Variants in DCHS2 observed in about 807,000 individuals in gnomAD.
The protein encoded by DCHS2 is dachsous cadherin-related 2.
In DCHS2, 142 loss-of-function variants were observed where a neutral mutation model predicts 182.4. The observed-to-expected ratio is 0.78, with a 90% CI of 0.68 to 0.89. The LOEUF is 0.89. DCHS2 is among the 40% of genes least tolerant of loss of function. DCHS2 has a pLI of 0.00. For missense variants in DCHS2, 4,319 were observed against 4,198.6 expected, an observed-to-expected ratio of 1.03 and a Z score of -0.79; for synonymous variants, 1,740 against 1,663.3, an observed-to-expected ratio of 1.05 and a Z score of -1.12.
chr4:154,450,973 A>G (rs1321708359), intron 1 of DCHS2, among the ~76,000 whole-genome samples: 3 of 152,212 alleles, frequency 2.0e-5, no homozygotes, highest in Non-Finnish European at 4.4e-5. Flanking sequence ...GGAAAGAGGT[A>G]TATGCCTGGT....
chr4:154,429,287 AT>A (rs1264226981), intron 1 of DCHS2, among the ~76,000 whole-genome samples: 1 of 152,052 alleles, frequency 6.6e-6, no homozygotes, highest in Non-Finnish European at 1.5e-5. Context: ...ACTGTTCATC[AT>A]TTTTTTGGCT....
rs141467714 is a variant in DCHS2 at position 154,298,388 on chromosome 4, C to A, written c.5926G>T (p.Ala1976Ser). 5,629 of 1,614,164 alleles carry A rather than the reference C, an allele frequency of 3.5e-3. 12 individuals carry two copies. Among genetic ancestry groups the A allele is most frequent in the Non-Finnish European group, 4.6e-3 (5,429 of 1,180,010 alleles). ...GGATCAATGGTGAATGCACCAGAAG[C>A]CTCATCAGTCAGAAAATACTCAGTT... ...GQTEYFLTDEASGAFTIDPMS... is the reference protein window; with the variant it reads ...GQTEYFLTDESSGAFTIDPMS... Residue 1976 changes from alanine (A) to serine (S), a missense_variant, in exon 13 of 20, where the codon GCT becomes TCT. Ala to Ser is a moderately conservative substitution (Grantham distance 99, BLOSUM62 1). Coordinates refer to ENST00000357232, the MANE Select transcript of DCHS2 (RefSeq NM_001358235.2).
intron 17 of DCHS2, 140 bp from the exon 18 acceptor site, chr4:154,240,963 C>T (rs1731797510): frequency 1.5e-6 from 2 of 1,326,084 alleles, no homozygotes; most frequent in Admixed American, 2.7e-5. Context: ...ATACAAAGCT[C>T]ATTATGCACT....
chr4:154,390,900 T>C (rs1445562944), intron 1 of DCHS2, among the ~76,000 whole-genome samples: 5 of 152,250 alleles, frequency 3.3e-5, no homozygotes, highest in Admixed American at 1.3e-4. Context: ...ACAAAAAGTA[T>C]ATGATTAGAA....
chr4:154,440,014 T>C (rs1733934062), intron 1 of DCHS2, among the ~76,000 whole-genome samples: 1 of 152,218 alleles, frequency 6.6e-6, no homozygotes, highest in African/African-American at 2.4e-5. Flanking sequence ...AACTCCTTGG[T>C]CCAAAGTCAT....
At position 154,332,956 on chromosome 4, in the gene DCHS2, G is replaced by A; in HGVS notation, c.3252C>T (p.Phe1084=). Residue 1084 remains phenylalanine (F), a synonymous_variant, in exon 5 of 20, where the codon TTC becomes TTT. Coordinates refer to ENST00000357232, the MANE Select transcript of DCHS2 (RefSeq NM_001358235.2). ...CTTCCACTTGATAGACCAAATGTTC[G>A]AAAGTCCAGGATGGGCTGTGTTCGC... The part of the protein sequence containing the change: ...EKREHSPSWT[F]EHLVYQVEVS... 6.2e-7 allele frequency: 1 copy of A among 1,614,210 alleles called. No individual in the cohort carries two copies. The highest frequency in any genetic ancestry group is 1.3e-5 in the African/African-American group (1 of 75,054).
chr4:154,403,793 C>CAG (rs1732290601), intron 1 of DCHS2, among the ~76,000 whole-genome samples: 1 of 152,090 alleles, frequency 6.6e-6, no homozygotes, highest in Non-Finnish European at 1.5e-5. Context: ...TAAGTAGATA[C>CAG]AGAGCTATTG....
rs1003250014 is a variant in DCHS2 at position 154,240,796 on chromosome 4, T to C, written c.7100A>G (p.His2367Arg). 6.2e-7 allele frequency: 1 copy of C among 1,613,744 alleles called. No individual in the cohort carries two copies. Among genetic ancestry groups the C allele is most frequent in the South Asian group, 1.1e-5 (1 of 91,066 alleles). The change falls in exon 18 of 20, where the codon CAT (histidine) becomes CGT (arginine). Residue 2367 changes from histidine (H) to arginine (R), a missense_variant. His to Arg is a conservative substitution (Grantham distance 29, BLOSUM62 0). Transcript: ENST00000357232. ...CAAATCCACATCATGAACTGACACA[T>C]GAGTCACAATTACACCAGGCAAAGA... ...EDSLPGVIVTHVSVHDVDLNS... is the reference protein window; with the variant it reads ...EDSLPGVIVTRVSVHDVDLNS...
At chr4:154,416,966 G>T (rs1732857419) in intron 1 of DCHS2, among the ~76,000 whole-genome samples, 1 of 152,086 alleles carries the variant, frequency 6.6e-6, no homozygotes, top group Middle Eastern at 3.4e-3. Flanking sequence ...GTCTGTCCCC[G>T]TCACTCCCGT....
chr4:154,480,658 G>A (rs1028993584), intron 1 of DCHS2, among the ~76,000 whole-genome samples: 1 of 152,032 alleles, frequency 6.6e-6, no homozygotes, highest in African/African-American at 2.4e-5. Context: ...ATTTAAAATA[G>A]AAAATAAAGA....
At chr4:154,309,482 ATCT>A (rs1295273710) in intron 10 of DCHS2, among the ~76,000 whole-genome samples, 2 of 152,204 alleles carry the variant, frequency 1.3e-5, no homozygotes, top group East Asian at 1.9e-4. Context: ...TAATCCAAAC[ATCT>A]TCTTCTTTCC....
chr4:154,238,666 T>C (rs943965033), intron 19 of DCHS2, among the ~76,000 whole-genome samples: 15 of 152,206 alleles, frequency 9.9e-5, no homozygotes, highest in Admixed American at 9.2e-4. Context: ...CACAGTGGTT[T>C]CCAGTTGGTA....
rs73856409 is a variant in DCHS2 at position 154,491,278 on chromosome 4, G to C, written c.78C>G (p.Pro26=). ...GCCCATGGGGTGTATCTCTCCTCCC[G>C]GGGAGCAGAAGGAGCTTCCCGACCG... ...RAPVGKLLLL[P]GRRDTPHGRS... is the part of the protein sequence containing the mutation. Residue 26 remains proline (P), a synonymous_variant, in exon 1 of 20, where the codon CCC becomes CCG. Transcript: ENST00000357232. 5 of 1,550,020 alleles carry C rather than the reference G, an allele frequency of 3.2e-6. No individual in the cohort carries two copies. In the Admixed American group the frequency reaches 5.9e-5, roughly 18 times the overall value.
intron 1 of DCHS2, among the ~76,000 whole-genome samples, chr4:154,483,622 G>A (rs1736003981): frequency 6.6e-6 from 1 of 152,158 alleles, no homozygotes; most frequent in Non-Finnish European, 1.5e-5. Context: ...AGAGAAACAG[G>A]CAGATTCAAA....
intron 1 of DCHS2, among the ~76,000 whole-genome samples, chr4:154,424,882 A>G (rs1159435808): frequency 3.3e-5 from 5 of 152,204 alleles, no homozygotes; most frequent in Non-Finnish European, 5.9e-5. Context: ...CCAGCTACAG[A>G]GACCCTTCCC....
intron 1 of DCHS2, among the ~76,000 whole-genome samples, chr4:154,478,758 G>GA (rs1439556054): frequency 6.6e-6 from 1 of 152,108 alleles, no homozygotes; most frequent in Non-Finnish European, 1.5e-5. Flanking sequence ...GCCCAGTTAA[G>GA]AAAAAACAGA....
At chr4:154,278,322 G>A (rs1050264212) in intron 13 of DCHS2, among the ~76,000 whole-genome samples, 1 of 151,912 alleles carries the variant, frequency 6.6e-6, no homozygotes, top group Non-Finnish European at 1.5e-5. Context: ...AGGAACAACA[G>A]CAACAATAAA....
At chr4:154,357,077 C>A (rs1294271281) in intron 3 of DCHS2, 1 of 593,924 alleles carries the variant, frequency 1.7e-6, no homozygotes, top group Non-Finnish European at 3.1e-6. Flanking sequence ...TCTTTCTTGA[C>A]AAGCGCTAGT....
At position 154,435,702 on chromosome 4, in the gene DCHS2, C is replaced by T. The variant is rs141482801; in HGVS notation, c.2052+53602G>A. ...ACAGATTTTATATCCTCTCATTTAC[C>T]TCCTAACAAAATAATCCAAATTGTA... On this transcript the variant is annotated intron_variant, in intron 1 of 19. Coordinates refer to ENST00000357232, the MANE Select transcript of DCHS2 (RefSeq NM_001358235.2). 1.8e-4 allele frequency among the ~76,000 whole-genome samples: 28 copies of T among 152,150 alleles called. 1 individual carries two copies. In the East Asian group the frequency reaches 5.4e-3, roughly 29 times the overall value.
Sources: gnomAD v4.1 joint callset for allele counts (sites outside exome capture counted in the v4.1 genomes callset) on GRCh38, gnomAD v4.1.1 for gene constraint, MANE v1.5 for transcripts, NCBI Gene and HGNC (gene_info 2026-07-23, HGNC 2026-07-21) for gene names.